The following KIAA0930 variants were observed in gnomAD, a reference collection of about 807,000 sequenced individuals.
KIAA0930 encodes uncharacterized protein KIAA0930.
A neutral mutation model predicts 43.9 loss-of-function variants in KIAA0930; 24 were observed. The observed-to-expected ratio is 0.55, with a 90% CI of 0.40 to 0.77. The LOEUF (loss-of-function observed/expected upper bound fraction) is 0.77, where lower values mean the gene tolerates loss of function less well. Among genes scored for constraint, KIAA0930 ranks in the 30% least tolerant of loss-of-function variants. KIAA0930 has a pLI of 0.00. For synonymous variants in KIAA0930, 259 were observed against 216.4 expected (o/e 1.20, Z -1.73); for missense variants, 461 against 574.2 (o/e 0.80, Z 2.02).
chr22:45,220,801 G>C (rs999434470), intron 1 of KIAA0930, among the ~76,000 whole-genome samples: 24 of 151,934 alleles, frequency 1.6e-4, no homozygotes, highest in Non-Finnish European at 2.9e-4. Context: ...GGCTGGTCTT[G>C]AACTCCTGGG....
chr22:45,193,442 T>C lies in KIAA0930; in HGVS notation c.*3734A>G, dbSNP rs1463318622. On this transcript the variant is annotated 3_prime_UTR_variant, in exon 10 of 10. Coordinates refer to ENST00000336156, the MANE Select transcript of KIAA0930 (RefSeq NM_001009880.2). ...ATCTTTTAATGAAAAAAAAAAGTTT[T>C]ACTTTGTTCTTCAAAAGTCTTCTAC... The C allele has an allele frequency of 6.6e-6, 1 of 152,240 alleles. No individual in the cohort carries two copies. Among genetic ancestry groups the C allele is most frequent in the African/African-American group, 2.4e-5 (1 of 41,470 alleles). The allele number at this position is 152,240 out of a possible 1,614,324, so 9.4% of individuals were successfully genotyped here.
chr22:45,205,750 T>C (rs756887483), intron 3 of KIAA0930, 43 bp from the exon 4 acceptor site: 1 of 1,612,878 alleles, frequency 6.2e-7, no homozygotes, highest in South Asian at 1.1e-5. Context: ...GGGTCAGCCA[T>C]CCCACAGGGC....
chr22:45,221,317 T>G (rs185679018), intron 1 of KIAA0930, among the ~76,000 whole-genome samples: 1 of 152,338 alleles, frequency 6.6e-6, no homozygotes, highest in Non-Finnish European at 1.5e-5. Context: ...AGACCATAGC[T>G]GCAAATGGCA....
At position 45,205,917 on chromosome 22, in the gene KIAA0930, G is replaced by C. The variant is rs996864599; in HGVS notation, c.217-5C>G. 2 of 1,612,440 alleles carry C rather than the reference G, an allele frequency of 1.2e-6. No homozygotes were observed. The highest frequency in any genetic ancestry group is 1.7e-6 in the Non-Finnish European group (2 of 1,179,908). On this transcript the variant is annotated splice_polypyrimidine_tract_variant and splice_region_variant and intron_variant, in intron 2 of 9. Transcript: ENST00000336156. ...CTCCACCTCAGGCTCAGCTGCCTGC[G>C]AGGCCCAGAGCAGAAGTGAGTGCCC... is the stretch of plus-strand genomic sequence containing the variant.
chr22:45,240,473 G>T (rs2083909946), intron 1 of KIAA0930, among the ~76,000 whole-genome samples, 167 bp downstream of exon 1: 1 of 151,686 alleles, frequency 6.6e-6, no homozygotes, highest in Non-Finnish European at 1.5e-5. Context: ...TGCAGGGACG[G>T]TGGGGGGGGG....
chr22:45,234,539 G>C (rs1425829592), intron 1 of KIAA0930, among the ~76,000 whole-genome samples: 1 of 152,188 alleles, frequency 6.6e-6, no homozygotes, highest in Non-Finnish European at 1.5e-5. Context: ...CTTCAGCCCC[G>C]TGAACACCCG....
At chr22:45,208,439 A>ACCG (rs1258531368) in intron 2 of KIAA0930, among the ~76,000 whole-genome samples, 10 of 89,856 alleles carry the variant, frequency 1.1e-4, no homozygotes, top group East Asian at 3.4e-4. Context: ...GGCAGAACCC[A>ACCG]ACTCCACACG....
rs12169667 is a variant in KIAA0930, at chr22:45,199,991, C to A, written c.897G>T (p.Arg299=). The change falls in exon 8 of 10, where the codon CGG becomes CGT. Residue 299 remains arginine (R), a synonymous_variant. Coordinates refer to ENST00000336156, the MANE Select transcript of KIAA0930 (RefSeq NM_001009880.2). ...STPPTPERNN[R]PAFFSPSLKR... ...TGAGGGATGGGGAGAAGAAGGCAGG[C>A]CGGTTGTTCCGTTCTGGGGTGGGGG... 6.9e-3 allele frequency: 11,063 copies of A among 1,607,234 alleles called. 578 individuals are homozygous for A. The African/African-American group carries it at 0.12, about 18-fold the overall frequency.
Position 45,205,850 on chromosome 22 carries a change from C to G in KIAA0930, c.279G>C (p.Leu93=). The part of the protein sequence containing the change: ...YRRDSKKLPG[L]GDPDIDWEES... ...CCTCCCAGTCGATGTCAGGGTCTCC[C>G]AGGCCTGGCAGCTTCTTGGAGTCCC... Residue 93 remains leucine, a synonymous_variant, in exon 3 of 10, where the codon CTG becomes CTC. Transcript: ENST00000336156. 6.2e-7 allele frequency: 1 copy of G among 1,613,168 alleles called. No homozygotes were observed. The highest frequency in any genetic ancestry group is 1.7e-5 in the Admixed American group (1 of 59,954).
intron 1 of KIAA0930, among the ~76,000 whole-genome samples, chr22:45,217,431 C>T (rs566559843): frequency 3.4e-5 from 5 of 149,196 alleles, no homozygotes; most frequent in Non-Finnish European, 7.4e-5. Context: ...ACACTGAACT[C>T]ATGGCCAACA....
chr22:45,197,088 C>T lies in KIAA0930; in HGVS notation c.*88G>A. ...CGGCTCCAGCACTGGCGTGCCATCG[C>T]AGACCCCGGTGGCGGTGGACAGGTA... On this transcript the variant is annotated 3_prime_UTR_variant, in exon 10 of 10. Coordinates refer to ENST00000336156, the MANE Select transcript of KIAA0930 (RefSeq NM_001009880.2). 2 of 1,165,744 alleles carry T rather than the reference C, an allele frequency of 1.7e-6. No homozygotes were observed. The highest frequency in any genetic ancestry group is 3.3e-5 in the South Asian group (2 of 60,130). 72.2% of individuals were successfully genotyped at this position (1,165,744 alleles called of 1,614,324 possible). A position where few individuals can be genotyped will look rare whatever the true frequency, so the allele number is the denominator to read the frequency against.
intron 1 of KIAA0930, chr22:45,226,348 T>C (rs1044757022): frequency 2.1e-6 from 1 of 471,082 alleles, no homozygotes; most frequent in Non-Finnish European, 4.4e-6. Context: ...TATCCAGTTC[T>C]GTGGGCCTGC....
chr22:45,205,684 C>G lies in KIAA0930; in HGVS notation c.360G>C (p.Ala120=). The part of the protein sequence containing the change: ...LQKLDYMVTC[A]VCTRADGGDI... ...CCCCGCCGTCAGCACGTGTGCACAC[C>G]GCACAGGTCACCATGTAGTCCAGCT... is the stretch of plus-strand genomic sequence containing the variant. Residue 120 remains alanine (A), a synonymous_variant, in exon 4 of 10, where the codon GCG becomes GCC. Coordinates refer to ENST00000336156, the MANE Select transcript of KIAA0930 (RefSeq NM_001009880.2). 1 of 1,614,092 alleles carries G rather than the reference C, an allele frequency of 6.2e-7. No homozygotes were observed. Among genetic ancestry groups the G allele is most frequent in the Non-Finnish European group, 8.5e-7 (1 of 1,180,014 alleles).
intron 1 of KIAA0930, among the ~76,000 whole-genome samples, chr22:45,230,781 A>C (rs922297843): frequency 8.6e-5 from 13 of 151,594 alleles, no homozygotes; most frequent in African/African-American, 3.1e-4. Flanking sequence ...GGGGTTTCAC[A>C]ATGTTGGCCA....
At chr22:45,213,490 G>T in intron 1 of KIAA0930, 3 of 1,197,748 alleles carry the variant, frequency 2.5e-6, no homozygotes, top group Non-Finnish European at 3.2e-6. Flanking sequence ...CAGGACCCGG[G>T]GGAACGAAAC....
At chr22:45,201,283 G>A (rs576889764) in intron 7 of KIAA0930, among the ~76,000 whole-genome samples, 6 of 152,318 alleles carry the variant, frequency 3.9e-5, no homozygotes, top group East Asian at 1.9e-4. Flanking sequence ...GCGCACAGGC[G>A]GCAGTCCCCA....
intron 5 of KIAA0930, among the ~76,000 whole-genome samples, chr22:45,204,782 G>A (rs1217598710): frequency 6.6e-6 from 1 of 151,642 alleles, no homozygotes; most frequent in Non-Finnish European, 1.5e-5. Context: ...TTAAAACAAA[G>A]GCTTGGCCCA....
intron 1 of KIAA0930, among the ~76,000 whole-genome samples, chr22:45,238,014 G>A (rs987245557): frequency 5.3e-5 from 8 of 151,512 alleles, no homozygotes; most frequent in Admixed American, 1.3e-4. Flanking sequence ...TCCGCCTCCC[G>A]GGTTCACACC....
chr22:45,238,903 A>G (rs1260438156), intron 1 of KIAA0930, among the ~76,000 whole-genome samples: 2 of 142,738 alleles, frequency 1.4e-5, no homozygotes, highest in African/African-American at 5.6e-5. Flanking sequence ...TCTCTCTCTC[A>G]CCCTCAGGCT....
Sources: allele counts gnomAD v4.1 joint callset (sites outside exome capture counted in the v4.1 genomes callset), GRCh38; gene constraint gnomAD v4.1.1; transcripts MANE v1.5; gene names NCBI Gene and HGNC (gene_info 2026-07-23, HGNC 2026-07-21).